BST1: variants seen among roughly 807,000 people sequenced by gnomAD.
BST1 encodes the protein ADP-ribosyl cyclase/cyclic ADP-ribose hydrolase 2.
A neutral mutation model predicts 40.6 loss-of-function variants in BST1; 49 were observed. The observed-to-expected ratio is 1.21, with a 90% CI of 0.96 to 1.53. The LOEUF (loss-of-function observed/expected upper bound fraction) is 1.53. Ranked by LOEUF, BST1 falls within the 40% of genes most tolerant of loss-of-function variation. BST1 has a pLI of 0.00. For synonymous variants in BST1, 157 were observed against 159.3 expected (o/e 0.99, Z 0.11); for missense variants, 423 against 395.9 (o/e 1.07, Z -0.58).
intron 8 of BST1, 82 bp downstream of exon 8, chr4:15,723,016 A>G (rs1163708154): frequency 6.3e-6 from 8 of 1,279,080 alleles, no homozygotes; most frequent in Non-Finnish European, 5.7e-6. Context: ...AAACATGAAC[A>G]TATTATCAGA....
chr4:15,740,800 A>G (rs1378549324), downstream of BST1, among the ~76,000 whole-genome samples: 1 of 152,086 alleles, frequency 6.6e-6, no homozygotes, highest in African/African-American at 2.4e-5. Context: ...GGAGATTCCC[A>G]GTGCAGCAAC....
At chr4:15,772,441 T>G in the BST1 span, among the ~76,000 whole-genome samples, 1 of 152,172 alleles carries the variant, frequency 6.6e-6, no homozygotes, top group Non-Finnish European at 1.5e-5. Flanking sequence ...CACTAACTGG[T>G]TTGTTCAACC....
At chr4:15,766,843 G>A in the BST1 span, among the ~76,000 whole-genome samples, 1 of 146,322 alleles carries the variant, frequency 6.8e-6, no homozygotes, top group African/African-American at 2.6e-5. Context: ...TTAACCCTGA[G>A]CTTCCTGGTG....
chr4:15,764,285 T>C, the BST1 span, among the ~76,000 whole-genome samples: 1 of 152,194 alleles, frequency 6.6e-6, no homozygotes, highest in South Asian at 2.1e-4. Flanking sequence ...ATGAATTATA[T>C]TTGGGGCTTT....
Position 15,724,056 on chromosome 4 carries a change from C to T in BST1, c.851+1122C>T, listed in dbSNP as rs75299972. Among the ~76,000 whole-genome samples the T allele has an allele frequency of 3.3e-4, 51 of 152,298 alleles. No homozygotes were observed. The East Asian group carries it at 9.1e-3, about 27-fold the overall frequency. On this transcript the variant is annotated intron_variant, in intron 8 of 8. Transcript: ENST00000265016. ...GACAATCCAACTCAAGTGTTCTTTGCTCTGTGAGGCTTTCCTCATTCTCCA... is the reference window on the plus strand; with the variant it reads ...GACAATCCAACTCAAGTGTTCTTTGTTCTGTGAGGCTTTCCTCATTCTCCA...
At chr4:15,771,642 C>T in the BST1 span, among the ~76,000 whole-genome samples, 1 of 152,136 alleles carries the variant, frequency 6.6e-6, no homozygotes, top group African/African-American at 2.4e-5. Context: ...GTGGAAAAAC[C>T]CACATTCTCA....
chr4:15,728,583 G>C (rs1050370443), intron 8 of BST1, among the ~76,000 whole-genome samples: 46 of 150,112 alleles, frequency 3.1e-4, no homozygotes, highest in African/African-American at 1.1e-3. Context: ...CTTTCAAGTG[G>C]CTGAGACTAC....
chr4:15,741,663 A>G (rs1721747463), downstream of BST1, among the ~76,000 whole-genome samples: 1 of 152,144 alleles, frequency 6.6e-6, no homozygotes, highest in South Asian at 2.1e-4. Flanking sequence ...AAAGAAGAAC[A>G]TTATTTCATG....
In BST1 at chr4:15,715,761, C is replaced by A. The variant is rs190346997; in HGVS notation, c.666C>A (p.Ile222=). The change falls in exon 6 of 9, where the codon ATC becomes ATA. Residue 222 remains isoleucine (I), a synonymous_variant. Coordinates refer to ENST00000265016, the MANE Select transcript of BST1 (RefSeq NM_004334.3). ...TCCAGAAGGAAAAAATTACACGAAT[C>A]GAGATCTGGGTTATGCATGAAATTG... ...PNLQKEKITR[I]EIWVMHEIGG... The A allele has an allele frequency of 7.5e-6, 12 of 1,598,462 alleles. No individual in the cohort carries two copies. The East Asian group carries it at 2.5e-4, about 33-fold the overall frequency.
chr4:15,717,436 T>C (rs1328826294), intron 6 of BST1, among the ~76,000 whole-genome samples: 1 of 152,192 alleles, frequency 6.6e-6, no homozygotes, highest in East Asian at 1.9e-4. Flanking sequence ...GTGTTGTGTA[T>C]CTACCTCTGT....
the BST1 span, among the ~76,000 whole-genome samples, chr4:15,764,016 C>T: frequency 2.6e-5 from 4 of 151,994 alleles, no homozygotes; most frequent in Non-Finnish European, 4.4e-5. Flanking sequence ...CTAGAATGTA[C>T]AATATCAAGA....
chr4:15,747,198 G>A, the BST1 span, among the ~76,000 whole-genome samples: 2 of 152,228 alleles, frequency 1.3e-5, no homozygotes, highest in South Asian at 4.1e-4. Flanking sequence ...TGGCTCTCTT[G>A]CTCCTGATCA....
chr4:15,715,883 C>CCCTAA, intron 6 of BST1, 84 bp downstream of exon 6: 1 of 1,036,456 alleles, frequency 9.6e-7, no homozygotes, highest in Non-Finnish European at 1.4e-6. Flanking sequence ...TTAACATTTT[C>CCCTAA]AGTTTAGGGG....
chr4:15,730,796 C>G (rs1423726555), intron 8 of BST1, among the ~76,000 whole-genome samples: 1 of 152,114 alleles, frequency 6.6e-6, no homozygotes, highest in Non-Finnish European at 1.5e-5. Context: ...AAAGAGAACT[C>G]AAACTATCAA....
chr4:15,722,852 T>C, intron 7 of BST1, 23 bp from the exon 8 acceptor site: 2 of 1,602,434 alleles, frequency 1.2e-6, no homozygotes, highest in Non-Finnish European at 1.7e-6. Flanking sequence ...AATAATCCCT[T>C]AAATATTATT....
intron 7 of BST1, among the ~76,000 whole-genome samples, chr4:15,720,119 T>C (rs1247644935): frequency 1.3e-5 from 2 of 152,098 alleles, no homozygotes; most frequent in Non-Finnish European, 1.5e-5. Flanking sequence ...GGGGCTCCCA[T>C]TGGCCTCTTT....
chr4:15,772,274 C>A, the BST1 span, among the ~76,000 whole-genome samples: 3 of 152,086 alleles, frequency 2.0e-5, no homozygotes, highest in Non-Finnish European at 4.4e-5. Flanking sequence ...AGGTGGCAAA[C>A]CTTCTTGCAT....
At chr4:15,719,066 G>T in intron 7 of BST1, 73 bp downstream of exon 7, 2 of 1,325,576 alleles carry the variant, frequency 1.5e-6, no homozygotes, top group Non-Finnish European at 2.1e-6. Context: ...CTGCCGAAAG[G>T]GTATTGATGG....
intron 4 of BST1, 103 bp downstream of exon 4, chr4:15,711,992 T>C (rs1720242607): frequency 2.2e-6 from 2 of 908,704 alleles, no homozygotes; most frequent in Non-Finnish European, 3.5e-6. Flanking sequence ...TCAACTTCTC[T>C]GAGCCTCACT....
Sources: gnomAD v4.1 joint callset for allele counts (sites outside exome capture counted in the v4.1 genomes callset) on GRCh38, gnomAD v4.1.1 for gene constraint, MANE v1.5 for transcripts, NCBI Gene and HGNC (gene_info 2026-07-23, HGNC 2026-07-21) for gene names.